Variants in EXOC4 observed in about 807,000 individuals in gnomAD.
EXOC4 encodes SEC8-like 1.
Under a neutral mutation model 107.2 loss-of-function variants are expected in EXOC4, and 71 were observed. The observed-to-expected ratio is 0.66, with a 90% CI of 0.55 to 0.81. The LOEUF is 0.81. Among genes scored for constraint, EXOC4 ranks in the 30% least tolerant of loss-of-function variants. The probability of loss-of-function intolerance (pLI) is 0.00; values close to 1 mark genes in which losing one functional copy is unlikely to be tolerated. For synonymous variants in EXOC4, 456 were observed against 441.2 expected (o/e 1.03, Z -0.42); for missense variants, 1,108 against 1,189.6 (o/e 0.93, Z 1.01).
intron 14 of EXOC4, among the ~76,000 whole-genome samples, chr7:133,972,866 G>C (rs1801274065): frequency 6.6e-6 from 1 of 152,118 alleles, no homozygotes; most frequent in African/African-American, 2.4e-5. Flanking sequence ...TCTGTCCCCT[G>C]TGTCACTCTC....
chr7:134,060,488 G>A (rs895088186), intron 17 of EXOC4, among the ~76,000 whole-genome samples: 1 of 152,200 alleles, frequency 6.6e-6, no homozygotes, highest in African/African-American at 2.4e-5. Flanking sequence ...TCATCAAATG[G>A]AAAATGTGTT....
intron 7 of EXOC4, among the ~76,000 whole-genome samples, chr7:133,376,477 A>C (rs1796492997): frequency 6.6e-6 from 1 of 152,228 alleles, no homozygotes; most frequent in South Asian, 2.1e-4. Flanking sequence ...ATCTTGATGA[A>C]GTTACCCTTT....
intron 2 of EXOC4, among the ~76,000 whole-genome samples, chr7:133,284,222 A>G (rs564391406): frequency 2.0e-5 from 3 of 152,266 alleles, no homozygotes; most frequent in Admixed American, 1.3e-4. Context: ...TCTTTTTCCA[A>G]TCAGATAGGA....
intron 7 of EXOC4, among the ~76,000 whole-genome samples, chr7:133,415,993 G>C (rs78228215): frequency 0.011 from 1,612 of 152,212 alleles, 28 homozygotes; most frequent in African/African-American, 0.037. Flanking sequence ...CTAAGGAAAG[G>C]TTGTCAACCA....
chr7:133,600,458 G>T (rs1801780166), intron 9 of EXOC4, among the ~76,000 whole-genome samples: 1 of 152,170 alleles, frequency 6.6e-6, no homozygotes, highest in Admixed American at 6.5e-5. Context: ...TTCTTCTTCA[G>T]TGAAATAAGA....
chr7:133,576,963 A>G, intron 9 of EXOC4: 1 of 873,056 alleles, frequency 1.1e-6, no homozygotes, highest in Non-Finnish European at 1.6e-6. Context: ...GGTGAGTGAG[A>G]GTGAGAAAGA....
At chr7:133,865,397 A>G (rs1563034098) in intron 11 of EXOC4, among the ~76,000 whole-genome samples, 2 of 152,234 alleles carry the variant, frequency 1.3e-5, no homozygotes. Context: ...CTTTTAAATC[A>G]TGGTAATATT....
intron 10 of EXOC4, among the ~76,000 whole-genome samples, chr7:133,726,720 C>T (rs1246125131): frequency 6.6e-6 from 1 of 152,198 alleles, no homozygotes; most frequent in Non-Finnish European, 1.5e-5. Context: ...GAGTACTTCC[C>T]CTTCCCTCCA....
At chr7:133,727,910 G>A (rs1262695665) in intron 10 of EXOC4, among the ~76,000 whole-genome samples, 1 of 152,120 alleles carries the variant, frequency 6.6e-6, no homozygotes, top group African/African-American at 2.4e-5. Flanking sequence ...TACATTGAAA[G>A]GATTAAGCAT....
chr7:133,615,370 AT>A (rs1360253135), intron 9 of EXOC4, among the ~76,000 whole-genome samples: 3 of 152,214 alleles, frequency 2.0e-5, no homozygotes, highest in Non-Finnish European at 1.5e-5. Context: ...CTTCCTTATG[AT>A]TTCCTTATCT....
At chr7:133,597,554 CAAAAAAAAA>C (rs58399632) in intron 9 of EXOC4, among the ~76,000 whole-genome samples, 1 of 96,076 alleles carries the variant, frequency 1.0e-5, no homozygotes, top group Non-Finnish European at 2.0e-5. Context: ...AACTCTGTTT[CAAAAAAAAA>C]AAAAAAAAAA....
intron 10 of EXOC4, among the ~76,000 whole-genome samples, chr7:133,759,155 T>TG (rs549274960): frequency 6.6e-6 from 1 of 151,834 alleles, no homozygotes; most frequent in Non-Finnish European, 1.5e-5. Context: ...TTTTTTTTTT[T>TG]TTTTTTTGTT....
chr7:133,370,143 T>TC (rs559269641), intron 6 of EXOC4, among the ~76,000 whole-genome samples: 32 of 37,746 alleles, frequency 8.5e-4, no homozygotes, highest in South Asian at 2.7e-3. Context: ...CCGCCCACCC[T>TC]CCCCCCCAAA....
At chr7:134,091,375 A>G in the EXOC4 span, among the ~76,000 whole-genome samples, 1 of 152,184 alleles carries the variant, frequency 6.6e-6, no homozygotes, top group Admixed American at 6.5e-5. Context: ...CTGTCTTGGC[A>G]CTGGTGAGAG....
intron 10 of EXOC4, among the ~76,000 whole-genome samples, chr7:133,687,044 T>A (rs1391179762): frequency 6.7e-6 from 1 of 150,298 alleles, no homozygotes; most frequent in Non-Finnish European, 1.5e-5. Context: ...TGTGTCTGTG[T>A]GTGTGTGTGA....
chr7:133,918,599 T>C (rs1455980796), intron 13 of EXOC4, among the ~76,000 whole-genome samples: 1 of 152,226 alleles, frequency 6.6e-6, no homozygotes, highest in Non-Finnish European at 1.5e-5. Flanking sequence ...GTAGAGTCTT[T>C]CTTTTAACTT....
intron 17 of EXOC4, among the ~76,000 whole-genome samples, chr7:134,061,697 T>G (rs1027383224): frequency 3.3e-5 from 5 of 152,120 alleles, no homozygotes; most frequent in African/African-American, 1.2e-4. Context: ...GAAGTTCCAT[T>G]AATAGACAAC....
intron 9 of EXOC4, among the ~76,000 whole-genome samples, chr7:133,526,097 C>A (rs143908898): frequency 6.6e-6 from 1 of 152,286 alleles, no homozygotes; most frequent in East Asian, 1.9e-4. Flanking sequence ...GTATCTTTCA[C>A]TTATTCTGCC....
At chr7:134,017,996 T>C (rs1160707727) in intron 17 of EXOC4, among the ~76,000 whole-genome samples, 2 of 152,196 alleles carry the variant, frequency 1.3e-5, no homozygotes, top group Non-Finnish European at 2.9e-5. Context: ...GTATTATTAT[T>C]ATCCAGTAAA....
Sources: allele counts gnomAD v4.1 joint callset (sites outside exome capture counted in the v4.1 genomes callset), GRCh38; gene constraint gnomAD v4.1.1; transcripts MANE v1.5; gene names NCBI Gene and HGNC (gene_info 2026-07-23, HGNC 2026-07-21).